Variants in RNF157 observed in about 807,000 individuals in gnomAD.
RNF157 encodes ring finger protein 157, also known as E3 ubiquitin ligase RNF157.
Under a neutral mutation model 88.3 loss-of-function variants are expected in RNF157, and 55 were observed. That is an observed-to-expected ratio of 0.62 (90% CI 0.50 to 0.78). The LOEUF is 0.78. Ranked by LOEUF, RNF157 falls within the 30% of genes least tolerant of loss-of-function variation. RNF157 has a pLI of 0.00. For synonymous variants in RNF157, 334 were observed against 341.2 expected, an observed-to-expected ratio of 0.98 and a Z score of 0.23; for missense variants, 788 against 860.8, an observed-to-expected ratio of 0.92 and a Z score of 1.06.
At position 76,143,110 on chromosome 17, in the gene RNF157, C is replaced by G. The variant is rs1198469249; in HGVS notation, c.*2125G>C. On this transcript the variant is annotated 3_prime_UTR_variant, in exon 19 of 19. Transcript: ENST00000269391. ...GAGCTAAATGACAGCCAAGAGAAGG[C>G]AGGGGGAGGGAGGAAGAGGAGAAAT... 1 of 152,404 alleles carries G rather than the reference C, an allele frequency of 6.6e-6. No homozygotes were observed. The highest frequency in any genetic ancestry group is 1.9e-4 in the East Asian group (1 of 5,206). 9.4% of individuals were successfully genotyped at this position (152,404 alleles called of 1,614,324 possible).
intron 1 of RNF157, chr17:76,226,153 A>G (rs1306998803): frequency 6.2e-6 from 10 of 1,605,072 alleles, no homozygotes; most frequent in South Asian, 1.1e-5. Flanking sequence ...AGATGCCACT[A>G]TCATTATCTG....
At position 76,236,737 on chromosome 17, in the gene RNF157, G is replaced by T. The variant is rs146564184; in HGVS notation, c.88+3416C>A. On this transcript the variant is annotated intron_variant, in intron 1 of 18. Coordinates refer to ENST00000269391, the MANE Select transcript of RNF157 (RefSeq NM_052916.3). ...AACTCACAGATGTTTATCAACAGGA[G>T]ACTATGTAAAAAAAAAGATGGCATA... Among the ~76,000 whole-genome samples, 620 of 152,174 alleles carry T rather than the reference G, an allele frequency of 4.1e-3. 1 individual carries two copies. Among genetic ancestry groups the T allele is most frequent in the African/African-American group, 0.014 (565 of 41,524 alleles).
At chr17:76,225,820 C>T in intron 1 of RNF157, 2 of 1,601,830 alleles carry the variant, frequency 1.2e-6, no homozygotes, top group Non-Finnish European at 1.7e-6. Flanking sequence ...ACTGGATCTC[C>T]TTGGCCAGGG....
chr17:76,180,588 C>T (rs2069173673), intron 2 of RNF157, among the ~76,000 whole-genome samples: 1 of 151,980 alleles, frequency 6.6e-6, no homozygotes, highest in African/African-American at 2.4e-5. Flanking sequence ...TATTTTTTAT[C>T]TTTATTTTTA....
At chr17:76,212,805 G>A (rs2069825340) in intron 1 of RNF157, among the ~76,000 whole-genome samples, 1 of 152,102 alleles carries the variant, frequency 6.6e-6, no homozygotes, top group Non-Finnish European at 1.5e-5. Flanking sequence ...GAAGTGCAGT[G>A]AGCCGAGATC....
intron 2 of RNF157, among the ~76,000 whole-genome samples, chr17:76,205,598 G>A (rs1170359086): frequency 6.6e-6 from 1 of 152,110 alleles, no homozygotes; most frequent in African/African-American, 2.4e-5. Context: ...GGTGGTGTGT[G>A]CCTGTAGTCC....
chr17:76,228,295 C>T (rs1179396459), intron 1 of RNF157, among the ~76,000 whole-genome samples: 1 of 152,158 alleles, frequency 6.6e-6, no homozygotes, highest in East Asian at 1.9e-4. Context: ...CAAGTCCCAA[C>T]CCCAACCCTG....
At chr17:76,181,513 G>A (rs2069187241) in intron 2 of RNF157, among the ~76,000 whole-genome samples, 1 of 152,164 alleles carries the variant, frequency 6.6e-6, no homozygotes, top group Admixed American at 6.6e-5. Context: ...AGCAGCCACA[G>A]CCACAATGGA....
intron 1 of RNF157, among the ~76,000 whole-genome samples, chr17:76,238,405 G>A (rs907622911): frequency 7.9e-6 from 1 of 126,118 alleles, no homozygotes; most frequent in Non-Finnish European, 1.7e-5. Context: ...CAGTTTTACA[G>A]TTAAACTTTT....
At chr17:76,211,824 G>A (rs1460184553) in intron 2 of RNF157, 1 of 152,190 alleles carries the variant, frequency 6.6e-6, no homozygotes, top group Non-Finnish European at 1.5e-5. Flanking sequence ...TTTATGAGAA[G>A]GAACAAGTGA....
intron 1 of RNF157, among the ~76,000 whole-genome samples, chr17:76,221,431 A>C (rs1419814258): frequency 6.6e-6 from 1 of 152,192 alleles, no homozygotes; most frequent in African/African-American, 2.4e-5. Flanking sequence ...GAGTTCAAGG[A>C]GGCAACTGGC....
At chr17:76,232,110 T>A (rs150979185) in intron 1 of RNF157, among the ~76,000 whole-genome samples, 1,599 of 152,290 alleles carry the variant, frequency 0.01, 12 homozygotes, top group Non-Finnish European at 0.018. Flanking sequence ...TGGCCAGGCG[T>A]GTTGTCTCAT....
At chr17:76,191,600 CA>C (rs71363619) in intron 2 of RNF157, among the ~76,000 whole-genome samples, 20,759 of 65,388 alleles carry the variant, frequency 0.32, 997 homozygotes, top group African/African-American at 0.35. Context: ...GACTCCGCCT[CA>C]AAAAAAAAAA....
At chr17:76,147,346 A>G in intron 18 of RNF157, 2 of 986,752 alleles carry the variant, frequency 2.0e-6, no homozygotes, top group African/African-American at 1.7e-5. Context: ...AATGGTAAAC[A>G]AGAGAGAAGA....
intron 1 of RNF157, among the ~76,000 whole-genome samples, chr17:76,236,851 G>T (rs1375979886): frequency 6.6e-6 from 1 of 152,146 alleles, no homozygotes; most frequent in Non-Finnish European, 1.5e-5. Context: ...CAATATCTCT[G>T]AAAGCAAACA....
chr17:76,183,286 G>C (rs1007357436), intron 2 of RNF157, among the ~76,000 whole-genome samples: 1 of 152,032 alleles, frequency 6.6e-6, no homozygotes, highest in South Asian at 2.1e-4. Context: ...CCTGTCACTA[G>C]AATTCTGATT....
chr17:76,205,427 G>C (rs4316786), intron 2 of RNF157, among the ~76,000 whole-genome samples: 2 of 151,906 alleles, frequency 1.3e-5, no homozygotes, highest in Non-Finnish European at 2.9e-5. Context: ...CCGCCATGCC[G>C]GGCACATTTT....
At chr17:76,235,525 T>A (rs1598453144) in intron 1 of RNF157, among the ~76,000 whole-genome samples, 1 of 152,150 alleles carries the variant, frequency 6.6e-6, no homozygotes, top group Non-Finnish European at 1.5e-5. Flanking sequence ...AAGTGTATGG[T>A]TTCAAATCTA....
chr17:76,149,907 G>C (rs147195902), intron 18 of RNF157, among the ~76,000 whole-genome samples: 2 of 151,952 alleles, frequency 1.3e-5, no homozygotes, highest in Non-Finnish European at 2.9e-5. Flanking sequence ...GGTGGCGGGC[G>C]CCTGTAATCC....
Sources: allele counts gnomAD v4.1 joint callset (sites outside exome capture counted in the v4.1 genomes callset), GRCh38; gene constraint gnomAD v4.1.1; transcripts MANE v1.5; gene names NCBI Gene and HGNC (gene_info 2026-07-23, HGNC 2026-07-21).